KLHL13: variants seen among roughly 807,000 people sequenced by gnomAD.
KLHL13 encodes the protein kelch-like protein 13.
In KLHL13, 10 loss-of-function variants were observed where a neutral mutation model predicts 37.1. The ratio of observed to expected loss-of-function variants is 0.27; its 90% CI spans 0.17 to 0.46. KLHL13 has a LOEUF of 0.46. Among genes scored for constraint, KLHL13 ranks in the 20% least tolerant of loss-of-function variants. KLHL13 has a pLI of 1.00. For missense variants in KLHL13, 360 were observed against 509.3 expected (o/e 0.71, Z 2.82); for synonymous variants, 163 against 181.2 (o/e 0.90, Z 0.81).
At chrX:118,018,774 T>C (rs772926012) in intron 1 of KLHL13, among the ~76,000 whole-genome samples, 27 of 111,566 alleles carry the variant, frequency 2.4e-4, no homozygotes, top group Non-Finnish European at 4.7e-4. Flanking sequence ...CCATTATATC[T>C]TCTAAATGGC....
chrX:117,980,603 C>G (rs929768333), intron 1 of KLHL13, among the ~76,000 whole-genome samples: 1 of 111,425 alleles, frequency 9.0e-6, no homozygotes, highest in Non-Finnish European at 1.9e-5. Flanking sequence ...ATTTTGCTAA[C>G]CAGCAGCACT....
At chrX:118,089,620 G>GAAAGAGAAAGAAAGAAAGAAAGA (rs773944967) in intron 1 of KLHL13, among the ~76,000 whole-genome samples, 1 of 71,907 alleles carries the variant, frequency 1.4e-5, no homozygotes, top group Admixed American at 1.7e-4. Context: ...GAGAAAGAAA[G>GAAAGAGAAAGAAAGAAAGAAAGA]AGAAAGAAAG....
At chrX:117,898,206 T>C (rs1342059961) in exon 7 of KLHL13, 1 of 112,351 alleles carries the variant, frequency 8.9e-6, no homozygotes, top group African/African-American at 3.2e-5. Flanking sequence ...ATATTTGACA[T>C]ATGTGCATGT....
chrX:118,025,725 C>G lies in KLHL13; in HGVS notation c.-55-80150G>C, dbSNP rs1312950511. Among the ~76,000 whole-genome samples, 3 of 111,723 alleles carry G rather than the reference C, an allele frequency of 2.7e-5. No individual in the cohort carries two copies. In the Admixed American group the frequency reaches 2.9e-4, roughly 11 times the overall value. ...AAACCTGCACATCCTGCACATGTAT[C>G]CCAGAACTTAAAACAAAATTAATTT... On this transcript the variant is annotated intron_variant, in intron 1 of 6. Coordinates refer to the KLHL13 transcript ENST00000371882.
chrX:117,988,826 C>A (rs1602628958), intron 1 of KLHL13, among the ~76,000 whole-genome samples: 1 of 111,742 alleles, frequency 8.9e-6, no homozygotes, highest in East Asian at 2.8e-4. Flanking sequence ...AAATGATAGA[C>A]AGTATCTCAT....
At chrX:118,023,526 T>TG in intron 1 of KLHL13, among the ~76,000 whole-genome samples, 1 of 112,159 alleles carries the variant, frequency 8.9e-6, no homozygotes, top group East Asian at 2.8e-4. Flanking sequence ...ATTCTCATGC[T>TG]GGGATAAAAC....
intron 1 of KLHL13, among the ~76,000 whole-genome samples, chrX:118,031,486 T>C (rs1311024246): frequency 2.1e-5 from 2 of 95,367 alleles, no homozygotes; most frequent in African/African-American, 4.1e-5. Flanking sequence ...TATATAGATA[T>C]ATATATTTAG....
chrX:118,056,628 C>A (rs1333343987), intron 1 of KLHL13, among the ~76,000 whole-genome samples: 1 of 111,579 alleles, frequency 9.0e-6, no homozygotes, highest in Non-Finnish European at 1.9e-5. Flanking sequence ...TCTCTTTGTT[C>A]AAATAACTCA....
intron 1 of KLHL13, among the ~76,000 whole-genome samples, chrX:118,003,366 T>C (rs2053947352): frequency 2.7e-5 from 3 of 111,751 alleles, no homozygotes; most frequent in African/African-American, 9.8e-5. Flanking sequence ...TTAAACTCTT[T>C]CTTCTAAGCC....
chrX:118,019,192 CTTCT>C (rs2054166579), intron 1 of KLHL13, among the ~76,000 whole-genome samples: 1 of 111,279 alleles, frequency 9.0e-6, no homozygotes, highest in South Asian at 3.8e-4. Context: ...ATGCTTTGAC[CTTCT>C]TCTTCCCATT....
At chrX:118,042,132 G>C (rs1326134040) in intron 1 of KLHL13, among the ~76,000 whole-genome samples, 2 of 111,808 alleles carry the variant, frequency 1.8e-5, no homozygotes, top group Admixed American at 1.9e-4. Context: ...TACTGATAAA[G>C]GGGTCAAGTC....
exon 1 of KLHL13, chrX:117,973,304 A>T: frequency 2.1e-6 from 2 of 967,377 alleles, no homozygotes; most frequent in Non-Finnish European, 2.7e-6. Context: ...TGAAACAACA[A>T]CATACCTACT....
chrX:117,993,220 G>A (rs2053814445), intron 1 of KLHL13, among the ~76,000 whole-genome samples: 1 of 111,393 alleles, frequency 9.0e-6, no homozygotes, highest in Non-Finnish European at 1.9e-5. Context: ...GGGTGCGGGT[G>A]CAAGACTAGT....
At chrX:118,016,968 T>C (rs747409646) in intron 1 of KLHL13, among the ~76,000 whole-genome samples, 1 of 111,812 alleles carries the variant, frequency 8.9e-6, no homozygotes, top group African/African-American at 3.2e-5. Context: ...TCATTCCCAC[T>C]GCCATCACCT....
In KLHL13 at chrX:118,055,240, G is replaced by A. The variant is rs761090209; in HGVS notation, c.-56+61268C>T. On this transcript the variant is annotated intron_variant, in intron 1 of 6. Transcript: ENST00000371882. ...TTCTACAATCTTCATAGCCACAGTA[G>A]AAACCATCTTATGGAACACATTCAG... 3.6e-5 allele frequency among the ~76,000 whole-genome samples: 4 copies of A among 112,135 alleles called. No homozygotes were observed. In the South Asian group the frequency reaches 1.5e-3, roughly 42 times the overall value.
chrX:118,005,148 C>T (rs926706191), intron 1 of KLHL13, among the ~76,000 whole-genome samples: 1 of 111,370 alleles, frequency 9.0e-6, no homozygotes, highest in Non-Finnish European at 1.9e-5. Flanking sequence ...TTAATGTTAT[C>T]AGGGACTTGA....
chrX:118,032,044 A>C (rs2054357656), intron 1 of KLHL13, among the ~76,000 whole-genome samples: 1 of 111,493 alleles, frequency 9.0e-6, no homozygotes, highest in African/African-American at 3.3e-5. Flanking sequence ...GGGCTTAAAA[A>C]ACAGCGCACC....
intron 1 of KLHL13, among the ~76,000 whole-genome samples, chrX:118,038,399 A>G (rs1182730241): frequency 8.9e-6 from 1 of 112,101 alleles, no homozygotes. Flanking sequence ...AAGGCCCTGA[A>G]GATTGTAGGA....
intron 1 of KLHL13, among the ~76,000 whole-genome samples, chrX:118,035,294 G>A (rs1268480142): frequency 9.8e-6 from 1 of 102,004 alleles, no homozygotes. Flanking sequence ...AACCAATAAA[G>A]AGAATTTTAG....
Sources: allele counts gnomAD v4.1 joint callset (sites outside exome capture counted in the v4.1 genomes callset), GRCh38; gene constraint gnomAD v4.1.1; transcripts MANE v1.5; gene names NCBI Gene and HGNC (gene_info 2026-07-23, HGNC 2026-07-21).